Variants in RSPRY1 observed in about 807,000 individuals in gnomAD.
RSPRY1 encodes ring finger and SPRY domain containing 1.
A neutral mutation model predicts 73.1 loss-of-function variants in RSPRY1; 23 were observed. The observed-to-expected ratio is 0.31, with a 90% CI of 0.23 to 0.45. The LOEUF (loss-of-function observed/expected upper bound fraction) is 0.45. Ranked by LOEUF, RSPRY1 falls within the 20% of genes least tolerant of loss-of-function variation. The probability of loss-of-function intolerance (pLI) is 1.00; values close to 1 mark genes in which losing one functional copy is unlikely to be tolerated. For synonymous variants in RSPRY1, 226 were observed against 251.4 expected, an observed-to-expected ratio of 0.90 and a Z score of 0.95; for missense variants, 448 against 698.7, an observed-to-expected ratio of 0.64 and a Z score of 4.05.
intron 6 of RSPRY1, 141 bp downstream of exon 6, chr16:57,214,087 C>T (rs1336555960): frequency 9.5e-6 from 6 of 631,452 alleles, no homozygotes; most frequent in East Asian, 2.8e-5. Flanking sequence ...AGGTGTTTCC[C>T]GAGTGCTTAT....
Position 57,227,441 on chromosome 16 carries a change from T to C in RSPRY1, c.1261T>C (p.Cys421Arg). The C allele has an allele frequency of 1.9e-6, 3 of 1,612,796 alleles. No individual in the cohort carries two copies. The highest frequency in any genetic ancestry group is 2.5e-6 in the Non-Finnish European group (3 of 1,178,826). ...NARSKPHIHPCWKEGDTVGFL... is the reference protein window; with the variant it reads ...NARSKPHIHPRWKEGDTVGFL... Reference sequence around the variant, plus strand: ...CAGAAGTAAGCCTCACATACACCCATGCTGGAAAGAAGGTATTCATTCCCT... The same window carrying C: ...CAGAAGTAAGCCTCACATACACCCACGCTGGAAAGAAGGTATTCATTCCCT... Residue 421 changes from cysteine (C) to arginine (R), a missense_variant, in exon 11 of 15, where the codon TGC becomes CGC. Coordinates refer to ENST00000394420, the MANE Select transcript of RSPRY1 (RefSeq NM_133368.3).
upstream of RSPRY1, chr16:57,186,188 C>G (rs2074163469): frequency 1.0e-6 from 1 of 985,658 alleles, no homozygotes; most frequent in Admixed American, 6.1e-5. Context: ...CAGTCTGCGC[C>G]TGGAGGGCGG....
intron 10 of RSPRY1, among the ~76,000 whole-genome samples, chr16:57,223,573 A>G (rs1363068878): frequency 7.2e-5 from 11 of 152,248 alleles, no homozygotes; most frequent in Admixed American, 4.6e-4. Context: ...TAAGGTCAGG[A>G]GTTTGACTGG....
chr16:57,207,746 T>G (rs1195619083), intron 2 of RSPRY1: 2 of 485,000 alleles, frequency 4.1e-6, no homozygotes. Flanking sequence ...GGCCTCTGAG[T>G]GTAAAGCTGA....
chr16:57,238,274 T>G (rs539221151), intron 14 of RSPRY1, among the ~76,000 whole-genome samples: 3 of 152,308 alleles, frequency 2.0e-5, no homozygotes, highest in African/African-American at 7.2e-5. Context: ...TTTAATTTGC[T>G]CAACATAAAA....
intron 1 of RSPRY1, among the ~76,000 whole-genome samples, chr16:57,202,883 T>TATATATATATATATATATATATAC (rs2074649319): frequency 3.0e-5 from 1 of 33,436 alleles, no homozygotes; most frequent in East Asian, 6.7e-4. Flanking sequence ...TATGATTATA[T>TATATATATATATATATATATATAC]ATATATATAT....
chr16:57,226,082 GA>G lies in RSPRY1; in HGVS notation c.1162-1251del, dbSNP rs200661536. Among the ~76,000 whole-genome samples, 97 of 150,558 alleles carry G rather than the reference GA, an allele frequency of 6.4e-4. 4 individuals are homozygous for G. In the South Asian group the frequency reaches 0.02, roughly 31 times the overall value. ...AACAAGAGTGAAACTCCATCTCAAA[GA>G]AAAAAAAAGAAGAAACTGCCAAGGA... is the stretch of plus-strand genomic sequence containing the variant. On this transcript the variant is annotated intron_variant, in intron 10 of 14. Coordinates refer to ENST00000394420, the MANE Select transcript of RSPRY1 (RefSeq NM_133368.3).
At chr16:57,223,796 C>A (rs58392156) in intron 10 of RSPRY1, among the ~76,000 whole-genome samples, 5,002 of 152,188 alleles carry the variant, frequency 0.033, 263 homozygotes, top group East Asian at 0.21. Flanking sequence ...AAATAAATAT[C>A]TTTTGCTTTT....
At chr16:57,196,130 G>A (rs1195345657) in intron 1 of RSPRY1, among the ~76,000 whole-genome samples, 1 of 151,082 alleles carries the variant, frequency 6.6e-6, no homozygotes, top group African/African-American at 2.4e-5. Flanking sequence ...AACCCTTGAT[G>A]ATATCCTTAA....
At chr16:57,186,287 G>A (rs369512882), upstream of RSPRY1, 1 of 496,998 alleles carries the variant, frequency 2.0e-6, no homozygotes, top group Non-Finnish European at 2.6e-6. Context: ...GCGTTTCCTA[G>A]GGGACTGAGG....
At chr16:57,230,170 C>T (rs977657538) in intron 11 of RSPRY1, among the ~76,000 whole-genome samples, 1 of 151,800 alleles carries the variant, frequency 6.6e-6, no homozygotes, top group Admixed American at 6.6e-5. Flanking sequence ...ACCACCACAC[C>T]CAGCTAATTT....
chr16:57,201,689 G>A (rs1046586388), intron 1 of RSPRY1, among the ~76,000 whole-genome samples: 10 of 152,338 alleles, frequency 6.6e-5, no homozygotes, highest in Admixed American at 5.9e-4. Flanking sequence ...GAGTGAACGC[G>A]ACTCCGTCTG....
At chr16:57,231,374 T>G (rs2075217999) in intron 13 of RSPRY1, 55 bp downstream of exon 13, 2 of 1,502,228 alleles carry the variant, frequency 1.3e-6, no homozygotes, top group South Asian at 1.2e-5. Context: ...TATGAGAAAT[T>G]AAACAATTTA....
At chr16:57,230,914 G>A (rs1279945692) in intron 12 of RSPRY1, 101 bp downstream of exon 12, 3 of 753,952 alleles carry the variant, frequency 4.0e-6, no homozygotes, top group East Asian at 5.3e-5. Flanking sequence ...CAATTGTGAT[G>A]AGAAATTGAT....
intron 1 of RSPRY1, among the ~76,000 whole-genome samples, chr16:57,196,034 AATAT>A (rs1555499008): frequency 1.1e-4 from 14 of 122,772 alleles, no homozygotes; most frequent in African/African-American, 3.6e-4. Flanking sequence ...AAAAAAAAAA[AATAT>A]ATATATATAT....
chr16:57,236,186 T>C (rs1370937308), intron 14 of RSPRY1, among the ~76,000 whole-genome samples: 2 of 152,226 alleles, frequency 1.3e-5, no homozygotes, highest in Non-Finnish European at 2.9e-5. Context: ...GATATCTTCA[T>C]GCCCTTTTTG....
chr16:57,201,316 T>C (rs1446991468), intron 1 of RSPRY1, among the ~76,000 whole-genome samples: 16 of 137,174 alleles, frequency 1.2e-4, no homozygotes, highest in African/African-American at 4.6e-4. Context: ...TCCTCACTTC[T>C]CAGACGGGGC....
intron 7 of RSPRY1, 89 bp downstream of exon 7, chr16:57,216,262 T>C: frequency 1.1e-6 from 1 of 950,114 alleles, no homozygotes; most frequent in Non-Finnish European, 1.7e-6. Context: ...GCCTACACTT[T>C]GAACCCCATC....
intron 14 of RSPRY1, among the ~76,000 whole-genome samples, chr16:57,236,284 C>T (rs1485651159): frequency 6.6e-6 from 1 of 152,112 alleles, no homozygotes; most frequent in Non-Finnish European, 1.5e-5. Context: ...TGGTCTTGCA[C>T]ATAATACAAG....
Sources: gnomAD v4.1 joint callset for allele counts (sites outside exome capture counted in the v4.1 genomes callset) on GRCh38, gnomAD v4.1.1 for gene constraint, MANE v1.5 for transcripts, NCBI Gene and HGNC (gene_info 2026-07-23, HGNC 2026-07-21) for gene names.